LRRC37A3: variants seen among roughly 807,000 people sequenced by gnomAD.
The protein encoded by LRRC37A3 is leucine rich repeat containing 37 member A3.
LRRC37A3 carries 25 observed loss-of-function variants against 106.2 expected under a neutral mutation model. The ratio of observed to expected loss-of-function variants is 0.24; its 90% CI spans 0.17 to 0.33. The LOEUF (loss-of-function observed/expected upper bound fraction) is 0.33, where lower values mean the gene tolerates loss of function less well. Ranked by LOEUF, LRRC37A3 falls within the 10% of genes least tolerant of loss-of-function variation. The pLI, the probability that LRRC37A3 is intolerant of heterozygous loss-of-function variation, is 1.00. For missense variants in LRRC37A3, 712 were observed against 1,644.9 expected (o/e 0.43, Z 9.81); for synonymous variants, 305 against 635.8 (o/e 0.48, Z 7.83).
At chr17:64,854,982 C>G (rs1433377162) in intron 14 of LRRC37A3, among the ~76,000 whole-genome samples, 1 of 152,188 alleles carries the variant, frequency 6.6e-6, no homozygotes, top group Non-Finnish European at 1.5e-5. Context: ...GGATTACAGG[C>G]CTGCGCCACC....
At position 64,897,346 on chromosome 17, in the gene LRRC37A3, CATGTCACCAGGGCACTCTT is replaced by C; in HGVS notation, c.-108_-90del. On this transcript the variant is annotated 5_prime_UTR_variant, in exon 4 of 15. The change creates a new upstream start codon in the 5' untranslated region. Coordinates refer to ENST00000584306, the MANE Select transcript of LRRC37A3 (RefSeq NM_199340.5). The stretch of plus-strand genomic sequence containing the variant: ...CTTTATTTATGCCACAGATCTGCTC[CATGTCACCAGGGCACTCTT>C]ATGTCACAATCCCGCCCAAGCACGC... 1 of 1,596,532 alleles carries C rather than the reference CATGTCACCAGGGCACTCTT, an allele frequency of 6.3e-7. No homozygotes were observed. The highest frequency in any genetic ancestry group is 2.1e-4 in the Middle Eastern group (1 of 4,826).
intron 2 of LRRC37A3, among the ~76,000 whole-genome samples, chr17:64,905,036 TTAAA>T (rs1236758789): frequency 2.0e-5 from 3 of 150,666 alleles, no homozygotes; most frequent in South Asian, 2.1e-4. Flanking sequence ...AATCAATTTA[TTAAA>T]TAAATTTATT....
chr17:64,894,022 T>TA (rs1974049502), intron 4 of LRRC37A3, among the ~76,000 whole-genome samples: 1 of 144,846 alleles, frequency 6.9e-6, no homozygotes, highest in Non-Finnish European at 1.5e-5. Context: ...ATAAAACTAG[T>TA]TCTACATATA....
chr17:64,859,541 C>T lies in LRRC37A3; in HGVS notation c.4605G>A (p.Lys1535=). Residue 1535 remains lysine (K), a synonymous_variant, in exon 12 of 15, where the codon AAG becomes AAA. Coordinates refer to ENST00000584306, the MANE Select transcript of LRRC37A3 (RefSeq NM_199340.5). ...MKLLSGQQEV[K]ASKIEWDTDQ... is the part of the protein sequence containing the mutation. ...CCGTATCCCATTCTATCTTGGATGCCTTTACTTCCTGCTGCCCACTGAGAA... is the reference window on the plus strand; with the variant it reads ...CCGTATCCCATTCTATCTTGGATGCTTTTACTTCCTGCTGCCCACTGAGAA... The T allele has an allele frequency of 6.2e-7, 1 of 1,611,724 alleles. No individual in the cohort carries two copies. Among genetic ancestry groups the T allele is most frequent in the Non-Finnish European group, 8.5e-7 (1 of 1,179,692 alleles).
At chr17:64,873,551 T>A (rs1417390142) in intron 8 of LRRC37A3, among the ~76,000 whole-genome samples, 2 of 150,358 alleles carry the variant, frequency 1.3e-5, no homozygotes, top group Admixed American at 6.6e-5. Flanking sequence ...AAGGAAAGTA[T>A]GAAAGCAATG....
intron 10 of LRRC37A3, among the ~76,000 whole-genome samples, chr17:64,866,718 C>T (rs1367574336): frequency 7.4e-6 from 1 of 135,776 alleles, no homozygotes; most frequent in Non-Finnish European, 1.6e-5. Flanking sequence ...GCAACCTCCA[C>T]CTCCTGGGTT....
At chr17:64,910,131 A>C (rs1289125917) in intron 2 of LRRC37A3, 1 of 152,332 alleles carries the variant, frequency 6.6e-6, no homozygotes, top group Non-Finnish European at 1.5e-5. Flanking sequence ...TGTGGTCATA[A>C]TCTGTTATTT....
intron 13 of LRRC37A3, among the ~76,000 whole-genome samples, chr17:64,856,452 G>A (rs1413052635): frequency 6.7e-6 from 1 of 149,334 alleles, no homozygotes. Context: ...AATGTGTTGG[G>A]ATTACAAGTG....
At position 64,865,789 on chromosome 17, in the gene LRRC37A3, C is replaced by T. The variant is rs993248562; in HGVS notation, c.3053+2673G>A. On this transcript the variant is annotated intron_variant, in intron 10 of 14. Transcript: ENST00000584306. ...TTGTCTACTATGCGGTCCGTATACACATTTTCACAATTGTCCCAATCATAA... is the reference window on the plus strand; with the variant it reads ...TTGTCTACTATGCGGTCCGTATACATATTTTCACAATTGTCCCAATCATAA... Among the ~76,000 whole-genome samples, 29 of 152,206 alleles carry T rather than the reference C, an allele frequency of 1.9e-4. 1 individual carries two copies. The highest frequency in any genetic ancestry group is 3.1e-4 in the Non-Finnish European group (21 of 68,044).
At chr17:64,916,910 A>G (rs1223185693) in intron 2 of LRRC37A3, among the ~76,000 whole-genome samples, 1 of 148,502 alleles carries the variant, frequency 6.7e-6, no homozygotes, top group Non-Finnish European at 1.5e-5. Flanking sequence ...TAAAACCAGA[A>G]GAAGCTACCA....
At chr17:64,900,326 GC>G (rs1394974856) in intron 2 of LRRC37A3, 1 of 121,396 alleles carries the variant, frequency 8.2e-6, no homozygotes, top group African/African-American at 4.1e-5. Context: ...GAGCCACAGC[GC>G]CTGGCCTGTT....
At chr17:64,881,513 G>A (rs559292867) in intron 8 of LRRC37A3, among the ~76,000 whole-genome samples, 149 of 130,988 alleles carry the variant, frequency 1.1e-3, no homozygotes, top group African/African-American at 4.3e-3. Flanking sequence ...CTCCCAAAGT[G>A]CTGAGATTAC....
intron 1 of LRRC37A3, 63 bp from the exon 2 acceptor site, chr17:64,918,933 G>T (rs1236669911): frequency 1.1e-6 from 1 of 921,912 alleles, no homozygotes; most frequent in Non-Finnish European, 1.4e-6. Flanking sequence ...ACACCACTTT[G>T]TTGACGGCCG....
Position 64,912,615 on chromosome 17 carries a change from G to A in LRRC37A3, c.-496+6135C>T, listed in dbSNP as rs192150579. Among the ~76,000 whole-genome samples the A allele has an allele frequency of 6.4e-4, 97 of 151,312 alleles. 1 individual carries two copies. Among genetic ancestry groups the A allele is most frequent in the African/African-American group, 2.3e-3 (93 of 41,278 alleles). ...AACCCCCCAAAAAAAGAAATAACCA[G>A]AAAACAAATAATAAAAAGGAAACCT... On this transcript the variant is annotated intron_variant, in intron 2 of 14. Transcript: ENST00000584306.
chr17:64,855,736 A>G, intron 14 of LRRC37A3, 104 bp downstream of exon 14: 1 of 1,565,098 alleles, frequency 6.4e-7, no homozygotes, highest in Non-Finnish European at 8.7e-7. Flanking sequence ...TGGGAAGTGG[A>G]GGTTGCCGTG....
chr17:64,862,568 C>A (rs1972911781), intron 11 of LRRC37A3, among the ~76,000 whole-genome samples: 1 of 151,856 alleles, frequency 6.6e-6, no homozygotes, highest in South Asian at 2.1e-4. Flanking sequence ...CTACATTGCA[C>A]TATATGAAGA....
intron 8 of LRRC37A3, among the ~76,000 whole-genome samples, chr17:64,876,393 CTGGCTGGCCTTGAACTCCTGGGGT>C (rs1454220992): frequency 6.6e-6 from 1 of 152,074 alleles, no homozygotes; most frequent in African/African-American, 2.4e-5. Flanking sequence ...GTATGTTGCC[CTGGCTGGCCTTGAACTCCTGGGGT>C]CAAGCAATCC....
rs774446676 is a variant in LRRC37A3 at position 64,896,854 on chromosome 17, T to C, written c.404A>G (p.Asp135Gly). 9 of 1,609,568 alleles carry C rather than the reference T, an allele frequency of 5.6e-6. No homozygotes were observed. The South Asian group carries it at 9.9e-5, about 18-fold the overall frequency. Residue 135 changes from aspartate to glycine, a missense_variant, in exon 4 of 15, where the codon GAC becomes GGC. Physicochemically the swap from Asp to Gly is moderately conservative, Grantham distance 94. Coordinates refer to ENST00000584306, the MANE Select transcript of LRRC37A3 (RefSeq NM_199340.5). Reference sequence around the variant, plus strand: ...GAGCCTTTCCTGTGGACTCAGCTTGTCCTTTAAATCCTGCTGTGAAGCCAA... The same window carrying C: ...GAGCCTTTCCTGTGGACTCAGCTTGCCCTTTAAATCCTGCTGTGAAGCCAA... ...QFLASQQDLK[D>G]KLSPQERLPV...
At chr17:64,874,886 G>T (rs919925262) in intron 8 of LRRC37A3, among the ~76,000 whole-genome samples, 1 of 151,882 alleles carries the variant, frequency 6.6e-6, no homozygotes, top group African/African-American at 2.4e-5. Context: ...TTAAACAGAT[G>T]CTTGAAGGCA....
Sources: gnomAD v4.1 joint callset for allele counts (sites outside exome capture counted in the v4.1 genomes callset) on GRCh38, gnomAD v4.1.1 for gene constraint, MANE v1.5 for transcripts, NCBI Gene and HGNC (gene_info 2026-07-23, HGNC 2026-07-21) for gene names.